Variants in GREB1 observed in about 807,000 individuals in gnomAD.
GREB1 encodes protein GREB1.
In GREB1, 106 loss-of-function variants were observed where a neutral mutation model predicts 200.7. The observed-to-expected ratio is 0.53, with a 90% CI of 0.45 to 0.62. GREB1 has a LOEUF of 0.62. GREB1 is among the 20% of genes least tolerant of loss of function. The pLI, the probability that GREB1 is intolerant of heterozygous loss-of-function variation, is 0.00. For missense variants in GREB1, 2,243 were observed against 2,556.8 expected (o/e 0.88, Z 2.65); for synonymous variants, 1,132 against 1,092.4 (o/e 1.04, Z -0.72).
At chr2:11,583,860 G>A (rs1471118802) in intron 7 of GREB1, among the ~76,000 whole-genome samples, 6 of 149,298 alleles carry the variant, frequency 4.0e-5, no homozygotes, top group East Asian at 3.9e-4. Flanking sequence ...ACTCTGTCTC[G>A]AAAAAAAAAA....
chr2:11,614,764 C>T (rs980206392), intron 19 of GREB1, among the ~76,000 whole-genome samples: 11 of 152,116 alleles, frequency 7.2e-5, no homozygotes, highest in South Asian at 2.1e-4. Flanking sequence ...GGGGTTTCAC[C>T]GTGTTAGCCA....
chr2:11,584,605 C>G (rs1260187398), intron 7 of GREB1, among the ~76,000 whole-genome samples: 1 of 152,170 alleles, frequency 6.6e-6, no homozygotes, highest in Non-Finnish European at 1.5e-5. Flanking sequence ...TTATTGGGTC[C>G]AAGCTCCCCA....
intron 4 of GREB1, among the ~76,000 whole-genome samples, chr2:11,573,464 A>G (rs1678519669): frequency 6.6e-6 from 1 of 152,182 alleles, no homozygotes; most frequent in South Asian, 2.1e-4. Context: ...AACTTTCTAG[A>G]CTTTCAAGTC....
At chr2:11,615,412 T>G in intron 20 of GREB1, 122 bp downstream of exon 20, 1 of 787,408 alleles carries the variant, frequency 1.3e-6, no homozygotes. Flanking sequence ...TCCTGGGACC[T>G]GTCTGCTGGA....
chr2:11,494,937 T>C (rs1672847923), intron 1 of GREB1, among the ~76,000 whole-genome samples: 1 of 152,194 alleles, frequency 6.6e-6, no homozygotes, highest in Non-Finnish European at 1.5e-5. Context: ...GGGCCTGGCC[T>C]CAGAGGTGCT....
rs908770309 is a variant in GREB1 at position 11,576,350 on chromosome 2, C to T, written c.455-3C>T. ...GATGTTTATGGTTTACTTCCTTCTC[C>T]AGGTTTCTCTGGGAATTGTGTTGGC... On this transcript the variant is annotated splice_polypyrimidine_tract_variant and splice_region_variant and intron_variant, in intron 4 of 32. Coordinates refer to ENST00000381486, the MANE Select transcript of GREB1 (RefSeq NM_014668.4). 1.9e-6 allele frequency: 3 copies of T among 1,602,510 alleles called. No homozygotes were observed. The highest frequency in any genetic ancestry group is 2.3e-5 in the South Asian group (2 of 87,948).
At chr2:11,638,646 C>G (rs766989913) in intron 31 of GREB1, 25 bp from the exon 32 acceptor site, 1 of 1,607,564 alleles carries the variant, frequency 6.2e-7, no homozygotes, top group Non-Finnish European at 8.5e-7. Context: ...AAACGGTGCC[C>G]TCTCTTGGAT....
At chr2:11,608,254 T>C (rs891982892) in intron 17 of GREB1, among the ~76,000 whole-genome samples, 1 of 152,242 alleles carries the variant, frequency 6.6e-6, no homozygotes, top group Admixed American at 6.5e-5. Flanking sequence ...GTGATTTTTA[T>C]ATCTTCACTC....
intron 17 of GREB1, among the ~76,000 whole-genome samples, chr2:11,607,599 T>TATACATAG (rs1358113044): frequency 2.4e-5 from 1 of 42,076 alleles, no homozygotes; most frequent in African/African-American, 6.8e-5. Context: ...TATACATATA[T>TATACATAG]ATACATATAT....
chr2:11,502,792 AT>A (rs1673083830), intron 1 of GREB1, among the ~76,000 whole-genome samples: 1 of 152,232 alleles, frequency 6.6e-6, no homozygotes, highest in South Asian at 2.1e-4. Flanking sequence ...AGCACTTCAT[AT>A]AGTGATGTCA....
Position 11,615,258 on chromosome 2 carries a change from C to G in GREB1, c.3290C>G (p.Thr1097Arg). Residue 1097 changes from threonine to arginine, a missense_variant, in exon 20 of 33, where the codon ACA (threonine) becomes AGA (arginine). By Grantham distance (71) the Thr-to-Arg change is moderately conservative (BLOSUM62 -1). This residue lies in a region of GREB1 where 587 missense variants were observed against 553.1 expected (regional missense o/e 1.06). Coordinates refer to ENST00000381486, the MANE Select transcript of GREB1 (RefSeq NM_014668.4). ...LESDAEKLSS[T>R]DNEDEELGTE... Reference sequence around the variant, plus strand: ...AGTGATGCTGAGAAGCTGAGCAGCACAGACAACGAGGATGAGGAGCTGGGG... The same window carrying G: ...AGTGATGCTGAGAAGCTGAGCAGCAGAGACAACGAGGATGAGGAGCTGGGG... 1 of 1,605,152 alleles carries G rather than the reference C, an allele frequency of 6.2e-7. No individual in the cohort carries two copies. Among genetic ancestry groups the G allele is most frequent in the Non-Finnish European group, 8.5e-7 (1 of 1,175,388 alleles).
intron 32 of GREB1, among the ~76,000 whole-genome samples, chr2:11,639,130 C>T (rs1558680097): frequency 6.6e-6 from 1 of 152,202 alleles, no homozygotes; most frequent in African/African-American, 2.4e-5. Context: ...CGCTCTGTCA[C>T]CTTGGCTGGA....
At chr2:11,598,080 C>A in intron 14 of GREB1, 102 bp downstream of exon 14, 1 of 843,338 alleles carries the variant, frequency 1.2e-6, no homozygotes, top group Non-Finnish European at 2.1e-6. Flanking sequence ...GTGAATAGGG[C>A]AAGTATTGCT....
chr2:11,588,400 C>A, intron 9 of GREB1: 1 of 595,162 alleles, frequency 1.7e-6, no homozygotes, highest in Non-Finnish European at 2.5e-6. Context: ...GCTCTGCCCA[C>A]AAGGTGTCCC....
rs747318238 is a variant in GREB1, at chr2:11,612,656, G to T, written c.3122+46G>T. On this transcript the variant is annotated intron_variant, in intron 19 of 32. Transcript: ENST00000381486. ...CCTGGGGGTCTCTGAGGAGCTGGCT[G>T]CCTGGGCCCCCTCAAGGAGCATGTC... The T allele has an allele frequency of 2.4e-6, 3 of 1,265,076 alleles. No homozygotes were observed. In the East Asian group the frequency reaches 7.0e-5, roughly 29 times the overall value. The allele number at this position is 1,265,076 out of a possible 1,614,324, so 78.4% of individuals were successfully genotyped here.
chr2:11,532,892 C>T (rs925691189), upstream of GREB1, among the ~76,000 whole-genome samples: 6 of 152,268 alleles, frequency 3.9e-5, no homozygotes, highest in Admixed American at 1.3e-4. Flanking sequence ...AGGTGCTTTA[C>T]GGTCCTGGTG....
intron 1 of GREB1, among the ~76,000 whole-genome samples, chr2:11,520,392 AAGGCGGCATTCTTTTCCTGTGGCTCCAGG>A (rs1235241621): frequency 3.3e-5 from 5 of 152,180 alleles, no homozygotes; most frequent in African/African-American, 1.2e-4. Flanking sequence ...TGATGTCAGC[AAGGCGGCATTCTTTTCCTGTGGCTCCAGG>A]AGGAATCTGT....
At chr2:11,488,889 AAG>A (rs57088009) in intron 1 of GREB1, among the ~76,000 whole-genome samples, 62,423 of 144,132 alleles carry the variant, frequency 0.43, 14,245 homozygotes, top group East Asian at 0.65. Flanking sequence ...AAAAAAAAAA[AAG>A]ATTGAGAAGC....
At chr2:11,577,238 T>G (rs1012300034) in intron 5 of GREB1, among the ~76,000 whole-genome samples, 5 of 152,136 alleles carry the variant, frequency 3.3e-5, no homozygotes, top group Non-Finnish European at 5.9e-5. Flanking sequence ...TTGTCATGAC[T>G]GGATGGTGCC....
Sources: allele counts gnomAD v4.1 joint callset (sites outside exome capture counted in the v4.1 genomes callset), GRCh38; gene constraint gnomAD v4.1.1; regional missense constraint gnomAD v4.1.1; transcripts MANE v1.5; gene names NCBI Gene and HGNC (gene_info 2026-07-23, HGNC 2026-07-21).